Variants in ZNF562 observed in about 807,000 individuals in gnomAD.
ZNF562 encodes zinc finger protein 562.
ZNF562 carries 13 observed loss-of-function variants against 17.5 expected under a neutral mutation model. The ratio of observed to expected loss-of-function variants is 0.74; its 90% CI spans 0.48 to 1.18. The LOEUF is 1.18. Ranked by LOEUF, ZNF562 falls within the 50% of genes most tolerant of loss-of-function variation. The pLI, the probability that ZNF562 is intolerant of heterozygous loss-of-function variation, is 0.00. For synonymous variants in ZNF562, 163 were observed against 165.4 expected (o/e 0.99, Z 0.11); for missense variants, 481 against 498.5 (o/e 0.96, Z 0.33).
At chr19:9,663,440 AAC>A in intron 1 of ZNF562, among the ~76,000 whole-genome samples, 1 of 151,608 alleles carries the variant, frequency 6.6e-6, no homozygotes, top group Non-Finnish European at 1.5e-5. Flanking sequence ...AAAGAAAAGA[AAC>A]AGCCAGAATC....
chr19:9,657,506 G>A (rs1220598696), intron 4 of ZNF562, among the ~76,000 whole-genome samples: 1 of 150,560 alleles, frequency 6.6e-6, no homozygotes, highest in Non-Finnish European at 1.5e-5. Flanking sequence ...GAAATTCTGA[G>A]AAAAACAGCT....
chr19:9,668,300 C>A (rs1480397559), intron 1 of ZNF562, among the ~76,000 whole-genome samples: 6 of 151,864 alleles, frequency 4.0e-5, no homozygotes, highest in Admixed American at 1.3e-4. Context: ...TTCCTTGAGC[C>A]CAGGAGTTCA....
rs762695482 is a variant in ZNF562, at chr19:9,644,237, T to A, written c.*8712A>T. ...AAAGATTTAGCAAGATTTGCTTCATTGTTAATACTCTGAAAGGATTTATGG... is the reference window on the plus strand; with the variant it reads ...AAAGATTTAGCAAGATTTGCTTCATAGTTAATACTCTGAAAGGATTTATGG... On this transcript the variant is annotated 3_prime_UTR_variant, in exon 6 of 6. Transcript: ENST00000453372. 7 of 152,170 alleles carry A rather than the reference T, an allele frequency of 4.6e-5. No individual in the cohort carries two copies. Among genetic ancestry groups the A allele is most frequent in the Non-Finnish European group, 8.8e-5 (6 of 68,030 alleles). 9.4% of individuals were successfully genotyped at this position (152,170 alleles called of 1,614,324 possible).
At position 9,653,153 on chromosome 19, in the gene ZNF562, A is replaced by G. The variant is rs1228470721; in HGVS notation, c.1077T>C (p.Leu359=). 6.2e-7 allele frequency: 1 copy of G among 1,613,068 alleles called. No homozygotes were observed. Among genetic ancestry groups the G allele is most frequent in the Non-Finnish European group, 8.5e-7 (1 of 1,179,316 alleles). The change falls in exon 6 of 6, where the codon CTT becomes CTC. Residue 359 remains leucine (L), a synonymous_variant. Coordinates refer to ENST00000453372, the MANE Select transcript of ZNF562 (RefSeq NM_001130031.2). ...CGQAFTQYTG[L]AIHIRNHTGE... ...CAGTGTGATTTCGTATGTGTATAGC[A>G]AGGCCCGTGTACTGAGTGAAGGCTT...
rs919137626 is a variant in ZNF562, at chr19:9,651,812, G to A, written c.*1137C>T. 1 of 149,052 alleles carries A rather than the reference G, an allele frequency of 6.7e-6. No homozygotes were observed. Among genetic ancestry groups the A allele is most frequent in the African/African-American group, 2.5e-5 (1 of 39,334 alleles). 9.2% of individuals were successfully genotyped at this position (149,052 alleles called of 1,614,324 possible). On this transcript the variant is annotated 3_prime_UTR_variant, in exon 6 of 6. Transcript: ENST00000453372. ...TCAATAAATATGTGGGTCAAACTCT[G>A]TTCAAGCTCAGCTCTGAAGGCTGTG...
rs2074830388 is a variant in ZNF562 at position 9,648,840 on chromosome 19, T to C, written c.*4109A>G. ...ATGAGCTAGGTGCAGTTCTAGGTATTGAGTTTTATCAGTAAATAAACATGA... is the reference window on the plus strand; with the variant it reads ...ATGAGCTAGGTGCAGTTCTAGGTATCGAGTTTTATCAGTAAATAAACATGA... On this transcript the variant is annotated 3_prime_UTR_variant, in exon 6 of 6. Transcript: ENST00000453372. 6.6e-6 allele frequency: 1 copy of C among 152,102 alleles called. No individual in the cohort carries two copies. The highest frequency in any genetic ancestry group is 2.1e-4 in the South Asian group (1 of 4,820). 9.4% of individuals were successfully genotyped at this position (152,102 alleles called of 1,614,324 possible). A position where few individuals can be genotyped will look rare whatever the true frequency, so the allele number is the denominator to read the frequency against.
intron 1 of ZNF562, among the ~76,000 whole-genome samples, chr19:9,672,494 T>C (rs140126187): frequency 0.011 from 1,718 of 152,238 alleles, 32 homozygotes; most frequent in African/African-American, 0.039. Flanking sequence ...AGACTGGGTG[T>C]GTTAGATGTT....
intron 1 of ZNF562, among the ~76,000 whole-genome samples, chr19:9,667,423 A>G (rs2043991880): frequency 6.6e-6 from 1 of 152,208 alleles, no homozygotes; most frequent in Non-Finnish European, 1.5e-5. Context: ...CTGAACAGGG[A>G]AAAATTGAAA....
At chr19:9,669,735 C>A (rs2044098032) in intron 1 of ZNF562, among the ~76,000 whole-genome samples, 1 of 25,482 alleles carries the variant, frequency 3.9e-5, no homozygotes, top group Admixed American at 6.2e-4. Context: ...CGCGCGCGCG[C>A]ACACACACAC....
chr19:9,669,712 G>A (rs1414936315), intron 1 of ZNF562, among the ~76,000 whole-genome samples: 7 of 83,844 alleles, frequency 8.3e-5, no homozygotes, highest in Admixed American at 5.8e-4. Context: ...GCATGCACGC[G>A]CGCGAGCGCG....
intron 1 of ZNF562, among the ~76,000 whole-genome samples, chr19:9,669,757 C>T (rs971807214): frequency 1.3e-5 from 2 of 151,172 alleles, no homozygotes; most frequent in African/African-American, 4.8e-5. Context: ...CACACACACA[C>T]ACACACACAC....
rs1380160849 is a variant in ZNF562 at position 9,642,136 on chromosome 19, G to GTTT, written c.*10812_*10813insAAA. Reference sequence around the variant, plus strand: ...GTACATTCACTAGGTGGGGGAGGATGTATCTTATAAAGTACATTCACAAGG... The same window carrying GTTT: ...GTACATTCACTAGGTGGGGGAGGATGTTTTATCTTATAAAGTACATTCACAAGG... On this transcript the variant is annotated 3_prime_UTR_variant, in exon 6 of 6. Transcript: ENST00000453372. The GTTT allele has an allele frequency of 6.6e-6, 1 of 151,470 alleles. No homozygotes were observed. Among genetic ancestry groups the GTTT allele is most frequent in the Non-Finnish European group, 1.5e-5 (1 of 67,934 alleles). The allele number at this position is 151,470 out of a possible 1,614,324, so 9.4% of individuals were successfully genotyped here.
In ZNF562 at chr19:9,645,782, T is replaced by C. The variant is rs909295504; in HGVS notation, c.*7167A>G. The C allele has an allele frequency of 2.0e-5, 3 of 152,226 alleles. No homozygotes were observed. The highest frequency in any genetic ancestry group is 4.4e-5 in the Non-Finnish European group (3 of 68,042). The allele number at this position is 152,226 out of a possible 1,614,324, so 9.4% of individuals were successfully genotyped here. On this transcript the variant is annotated 3_prime_UTR_variant, in exon 6 of 6. Coordinates refer to ENST00000453372, the MANE Select transcript of ZNF562 (RefSeq NM_001130031.2). ...TAGTAAGTGTATATGGGAATCACTT[T>C]ATTCAAACAGTGTAGTGCACTTAGT...
At chr19:9,655,228 A>G (rs1436706787) in intron 5 of ZNF562, among the ~76,000 whole-genome samples, 3 of 152,114 alleles carry the variant, frequency 2.0e-5, no homozygotes, top group South Asian at 4.1e-4. Flanking sequence ...GACTCAAGCA[A>G]TTCTCCTGCC....
chr19:9,653,364 T>A lies in ZNF562; in HGVS notation c.866A>T (p.Glu289Val). The change falls in exon 6 of 6, where the codon GAA becomes GTA. Residue 289 changes from glutamate (E) to valine (V), a missense_variant. Physicochemically the swap from Glu to Val is moderately radical, Grantham distance 121. Coordinates refer to ENST00000453372, the MANE Select transcript of ZNF562 (RefSeq NM_001130031.2). The stretch of plus-strand genomic sequence containing the variant: ...AAAGGATCTTCCACATTCTTTACAT[T>A]CAAAGGACTTCTCTCCTTTATGAGT... ...AKTHKGEKSF[E>V]CKECGRSFRN... 6.2e-7 allele frequency: 1 copy of A among 1,614,068 alleles called. No homozygotes were observed. Among genetic ancestry groups the A allele is most frequent in the South Asian group, 1.1e-5 (1 of 91,044 alleles).
rs771720733 is a variant in ZNF562, at chr19:9,648,014, G to A, written c.*4935C>T. 1.3e-5 allele frequency: 2 copies of A among 152,088 alleles called. No individual in the cohort carries two copies. The highest frequency in any genetic ancestry group is 2.9e-5 in the Non-Finnish European group (2 of 68,036). The allele number at this position is 152,088 out of a possible 1,614,324, so 9.4% of individuals were successfully genotyped here. On this transcript the variant is annotated 3_prime_UTR_variant, in exon 6 of 6. Transcript: ENST00000453372. Reference sequence around the variant, plus strand: ...TTTGCCTCAGCCTCCAAAAGTGCTGGGATTACAGGCCTGAGCCACTATTCC... The same window carrying A: ...TTTGCCTCAGCCTCCAAAAGTGCTGAGATTACAGGCCTGAGCCACTATTCC...
At position 9,651,501 on chromosome 19, in the gene ZNF562, C is replaced by G. The variant is rs1351748274; in HGVS notation, c.*1448G>C. 6.6e-6 allele frequency: 1 copy of G among 152,224 alleles called. No homozygotes were observed. Among genetic ancestry groups the G allele is most frequent in the Non-Finnish European group, 1.5e-5 (1 of 68,036 alleles). The allele number at this position is 152,224 out of a possible 1,614,324, so 9.4% of individuals were successfully genotyped here. On this transcript the variant is annotated 3_prime_UTR_variant, in exon 6 of 6. Coordinates refer to ENST00000453372, the MANE Select transcript of ZNF562 (RefSeq NM_001130031.2). The stretch of plus-strand genomic sequence containing the variant: ...CAGGCAATGAGAAACTGGCCATAAA[C>G]AAAATCTCTGCAGCACTGTGACATG...
In ZNF562 at chr19:9,642,691, G is replaced by A. The variant is rs2074780401; in HGVS notation, c.*10258C>T. ...GAACTTTGTATCAAATGGGTAATAA[G>A]ACTATGTAACAGGAACAACACAACA... On this transcript the variant is annotated 3_prime_UTR_variant, in exon 6 of 6. Transcript: ENST00000453372. 2 of 152,002 alleles carry A rather than the reference G, an allele frequency of 1.3e-5. No individual in the cohort carries two copies. The highest frequency in any genetic ancestry group is 6.6e-5 in the Admixed American group (1 of 15,238). The allele number at this position is 152,002 out of a possible 1,614,324, so 9.4% of individuals were successfully genotyped here.
chr19:9,654,970 CA>C (rs1001372196), intron 5 of ZNF562, among the ~76,000 whole-genome samples: 1 of 150,888 alleles, frequency 6.6e-6, no homozygotes, highest in Non-Finnish European at 1.5e-5. Flanking sequence ...TCTAATTGTT[CA>C]AAAAAAAACT....
Sources: gnomAD v4.1 joint callset for allele counts (sites outside exome capture counted in the v4.1 genomes callset) on GRCh38, gnomAD v4.1.1 for gene constraint, MANE v1.5 for transcripts, NCBI Gene and HGNC (gene_info 2026-07-23, HGNC 2026-07-21) for gene names.